Variants in NTM observed in about 807,000 individuals in gnomAD.
NTM encodes IgLON family member 2.
A neutral mutation model predicts 42.1 loss-of-function variants in NTM; 13 were observed. That is an observed-to-expected ratio of 0.31 (90% CI 0.20 to 0.49). NTM has a LOEUF of 0.49. NTM is among the 20% of genes least tolerant of loss of function. NTM has a pLI of 0.99. For synonymous variants in NTM, 187 were observed against 179.2 expected, an observed-to-expected ratio of 1.04 and a Z score of -0.35; for missense variants, 373 against 452.8, an observed-to-expected ratio of 0.82 and a Z score of 1.60.
chr11:131,419,720 C>G (rs1947311230), intron 1 of NTM, among the ~76,000 whole-genome samples: 1 of 152,086 alleles, frequency 6.6e-6, no homozygotes, highest in Non-Finnish European at 1.5e-5. Context: ...AGTGCAATGG[C>G]AAGACATTGG....
At chr11:131,613,106 A>C (rs1381216575) in intron 1 of NTM, among the ~76,000 whole-genome samples, 1 of 151,766 alleles carries the variant, frequency 6.6e-6, no homozygotes, top group Admixed American at 6.6e-5. Flanking sequence ...CTCCATTCCC[A>C]CTTCCCTTAC....
intron 2 of NTM, among the ~76,000 whole-genome samples, chr11:131,993,306 A>G (rs1054730418): frequency 1.3e-5 from 2 of 152,138 alleles, no homozygotes; most frequent in African/African-American, 4.8e-5. Flanking sequence ...GAGGAGGGCT[A>G]TCGGGAAGGT....
At chr11:131,931,431 A>G (rs1386523063) in intron 2 of NTM, among the ~76,000 whole-genome samples, 1 of 151,060 alleles carries the variant, frequency 6.6e-6, no homozygotes, top group Non-Finnish European at 1.5e-5. Flanking sequence ...AGAACAAGAC[A>G]GTGCCTCAAA....
chr11:131,675,955 T>C (rs2071309698), intron 1 of NTM, among the ~76,000 whole-genome samples: 1 of 152,226 alleles, frequency 6.6e-6, no homozygotes, highest in Non-Finnish European at 1.5e-5. Context: ...GAGTCTTTTA[T>C]GGCTTTCACC....
intron 6 of NTM, among the ~76,000 whole-genome samples, chr11:132,311,100 AGAGGGCATTCTGAGAAG>A (rs2095267163): frequency 6.6e-6 from 1 of 152,150 alleles, no homozygotes; most frequent in African/African-American, 2.4e-5. Context: ...AAAACAATGA[AGAGGGCATTCTGAGAAG>A]GAGAGCAGCA....
At chr11:131,822,952 TCTTC>T (rs1021929857) in intron 1 of NTM, among the ~76,000 whole-genome samples, 13 of 152,164 alleles carry the variant, frequency 8.5e-5, no homozygotes, top group South Asian at 2.1e-4. Flanking sequence ...TTCCTTTCTT[TCTTC>T]CTTCCTTCCT....
At chr11:132,175,239 T>C (rs997208327) in intron 3 of NTM, among the ~76,000 whole-genome samples, 2 of 152,126 alleles carry the variant, frequency 1.3e-5, no homozygotes, top group Non-Finnish European at 2.9e-5. Flanking sequence ...ACTTGAGCTA[T>C]GATCTTCTCT....
chr11:131,680,511 C>CTA, intron 1 of NTM, among the ~76,000 whole-genome samples: 1 of 51,926 alleles, frequency 1.9e-5, no homozygotes, highest in Non-Finnish European at 3.8e-5. Context: ...GCCTCTGTGT[C>CTA]TGTGTGAGAT....
chr11:132,328,555 T>C (rs1367236354), intron 7 of NTM, among the ~76,000 whole-genome samples: 5 of 152,304 alleles, frequency 3.3e-5, no homozygotes, highest in Non-Finnish European at 7.3e-5. Context: ...TGCATTCTTC[T>C]TTCTGATAGT....
intron 2 of NTM, among the ~76,000 whole-genome samples, chr11:132,045,377 A>C (rs2077840824): frequency 6.6e-6 from 1 of 152,196 alleles, no homozygotes; most frequent in Non-Finnish European, 1.5e-5. Context: ...GCCTGCCCTT[A>C]CAAATGTATT....
chr11:131,692,103 A>T (rs1465126367), intron 1 of NTM, among the ~76,000 whole-genome samples: 1 of 152,164 alleles, frequency 6.6e-6, no homozygotes, highest in African/African-American at 2.4e-5. Context: ...ACAGGCTGAC[A>T]CTTCGCGGTT....
intron 1 of NTM, among the ~76,000 whole-genome samples, chr11:131,385,622 G>A (rs1943222010): frequency 6.6e-6 from 1 of 152,170 alleles, no homozygotes; most frequent in African/African-American, 2.4e-5. Context: ...GGAGGCTGAA[G>A]CTGGAGGATT....
chr11:132,139,139 G>C (rs2068580319), intron 2 of NTM, among the ~76,000 whole-genome samples: 1 of 152,068 alleles, frequency 6.6e-6, no homozygotes, highest in Admixed American at 6.5e-5. Flanking sequence ...GGACTGTTTT[G>C]AACATGCTAG....
chr11:131,785,992 G>A (rs1285722701), intron 1 of NTM, among the ~76,000 whole-genome samples: 2 of 152,170 alleles, frequency 1.3e-5, no homozygotes, highest in Admixed American at 6.5e-5. Flanking sequence ...GGAAAGGAAG[G>A]TGTCATTCTG....
intron 4 of NTM, among the ~76,000 whole-genome samples, chr11:132,279,176 T>C (rs1307128973): frequency 1.3e-5 from 2 of 152,226 alleles, no homozygotes; most frequent in African/African-American, 2.4e-5. Context: ...CAGCTATCTT[T>C]TCAATTAATA....
chr11:132,129,028 G>C (rs1286248763), intron 2 of NTM, among the ~76,000 whole-genome samples: 1 of 151,172 alleles, frequency 6.6e-6, no homozygotes, highest in Non-Finnish European at 1.5e-5. Context: ...GGGATGGGTT[G>C]GTGTCACAAG....
chr11:131,567,660 C>T (rs982038602), intron 1 of NTM, among the ~76,000 whole-genome samples: 1 of 152,184 alleles, frequency 6.6e-6, no homozygotes, highest in Non-Finnish European at 1.5e-5. Flanking sequence ...ATCTTCTTTC[C>T]ATTTTAATAA....
intron 1 of NTM, among the ~76,000 whole-genome samples, chr11:131,676,842 C>T (rs1290082572): frequency 6.6e-6 from 1 of 152,248 alleles, no homozygotes; most frequent in East Asian, 1.9e-4. Flanking sequence ...AGACTTAGCC[C>T]AGATCCACTT....
At chr11:131,624,868 G>A (rs961536247) in intron 1 of NTM, among the ~76,000 whole-genome samples, 4 of 152,192 alleles carry the variant, frequency 2.6e-5, no homozygotes, top group Non-Finnish European at 5.9e-5. Context: ...AGGTGGTGAT[G>A]ATCAGGCAGC....
Sources: gnomAD v4.1 joint callset for allele counts (sites outside exome capture counted in the v4.1 genomes callset) on GRCh38, gnomAD v4.1.1 for gene constraint, MANE v1.5 for transcripts, NCBI Gene and HGNC (gene_info 2026-07-23, HGNC 2026-07-21) for gene names.